The following ADSS2 variants were observed in gnomAD, a reference collection of about 807,000 sequenced individuals.
ADSS2 encodes adenylosuccinate synthase 2, also known as adenylosuccinate synthetase isozyme 2.
Under a neutral mutation model 60.0 loss-of-function variants are expected in ADSS2, and 30 were observed. That is an observed-to-expected ratio of 0.50 (90% confidence interval 0.37 to 0.68). The LOEUF is 0.68. Among genes scored for constraint, ADSS2 ranks in the 30% least tolerant of loss-of-function variants. The probability of loss-of-function intolerance (pLI) is 0.00; values close to 1 mark genes in which losing one functional copy is unlikely to be tolerated. For synonymous variants in ADSS2, 187 were observed against 193.1 expected (o/e 0.97, Z 0.26); for missense variants, 373 against 554.8 (o/e 0.67, Z 3.29).
chr1:244,452,038 G>C (rs1046612461), upstream of ADSS2: 9 of 399,276 alleles, frequency 2.3e-5, no homozygotes, highest in South Asian at 4.9e-4. Flanking sequence ...GGCCGGCCTC[G>C]GCAGCACCGC....
intron 10 of ADSS2, among the ~76,000 whole-genome samples, chr1:244,416,796 T>A (rs1045156341): frequency 6.6e-6 from 1 of 152,278 alleles, no homozygotes; most frequent in South Asian, 2.1e-4. Context: ...CTGGTTACCA[T>A]CACCTCTACC....
chr1:244,447,079 T>G (rs1665409608), intron 1 of ADSS2, among the ~76,000 whole-genome samples: 1 of 152,152 alleles, frequency 6.6e-6, no homozygotes, highest in South Asian at 2.1e-4. Context: ...GAACTCCCCT[T>G]CATTTATTGT....
At chr1:244,415,776 G>C (rs1359451186) in intron 11 of ADSS2, among the ~76,000 whole-genome samples, 2 of 150,320 alleles carry the variant, frequency 1.3e-5, no homozygotes, top group African/African-American at 2.4e-5. Flanking sequence ...TTTTGAGTTT[G>C]AGCACATGCT....
At chr1:244,410,318 T>A (rs1448308773) in intron 12 of ADSS2, among the ~76,000 whole-genome samples, 2 of 152,104 alleles carry the variant, frequency 1.3e-5, no homozygotes, top group African/African-American at 4.8e-5. Context: ...GGAGGACACA[T>A]CCCACACACT....
chr1:244,451,547 G>C lies in ADSS2; in HGVS notation c.183+88C>G, dbSNP rs1330021055. On this transcript the variant is annotated intron_variant, in intron 1 of 12. Coordinates refer to ENST00000366535, the MANE Select transcript of ADSS2 (RefSeq NM_001126.5). The surrounding 1 kb of genome is among the most constrained non-coding windows in gnomAD (Gnocchi z 6.6). ...ACACCTCATTTTGGCCAGTGGATCC[G>C]GGTTCTGGGTCCGAGTTCCCGGGCA... The C allele has an allele frequency of 7.1e-7, 1 of 1,407,842 alleles. No individual in the cohort carries two copies. The highest frequency in any genetic ancestry group is 9.5e-7 in the Non-Finnish European group (1 of 1,052,772). The allele number at this position is 1,407,842 out of a possible 1,614,324, so 87.2% of individuals were successfully genotyped here. A position where few individuals can be genotyped will look rare whatever the true frequency, so the allele number is the denominator to read the frequency against.
At chr1:244,424,423 G>A (rs1462952808) in intron 4 of ADSS2, 36 bp from the exon 5 acceptor site, 2 of 1,588,240 alleles carry the variant, frequency 1.3e-6, no homozygotes, top group Non-Finnish European at 1.7e-6. Context: ...TTGAAACAAA[G>A]ATAATACACA....
chr1:244,446,682 G>A (rs1665399265), intron 1 of ADSS2, among the ~76,000 whole-genome samples: 1 of 151,862 alleles, frequency 6.6e-6, no homozygotes, highest in South Asian at 2.1e-4. Context: ...AGAAGCTTTA[G>A]ACTCTGGGTA....
chr1:244,411,995 C>A (rs1664427830), intron 11 of ADSS2, among the ~76,000 whole-genome samples: 1 of 152,196 alleles, frequency 6.6e-6, no homozygotes, highest in South Asian at 2.1e-4. Context: ...GCCCAGATTT[C>A]TCTCAAGACT....
intron 4 of ADSS2, among the ~76,000 whole-genome samples, chr1:244,428,831 C>T (rs747711391): frequency 6.6e-6 from 1 of 151,888 alleles, no homozygotes; most frequent in African/African-American, 2.4e-5. Context: ...AAAACTGACA[C>T]AAGAAACAGA....
chr1:244,413,609 G>C (rs1478091983), intron 11 of ADSS2, among the ~76,000 whole-genome samples: 1 of 152,208 alleles, frequency 6.6e-6, no homozygotes, highest in Non-Finnish European at 1.5e-5. Context: ...AGAATCAGCA[G>C]CGCCAGGCAT....
intron 1 of ADSS2, among the ~76,000 whole-genome samples, chr1:244,448,892 A>C (rs1665461129): frequency 6.6e-6 from 1 of 152,128 alleles, no homozygotes; most frequent in Non-Finnish European, 1.5e-5. Context: ...TGCCTTTTTC[A>C]GATTTTTGAC....
chr1:244,428,590 A>G (rs758565751), intron 4 of ADSS2, among the ~76,000 whole-genome samples: 1 of 151,984 alleles, frequency 6.6e-6, no homozygotes, highest in African/African-American at 2.4e-5. Context: ...TAAAGGAACT[A>G]CAAAAACGAG....
chr1:244,447,623 C>A (rs370859392), intron 1 of ADSS2, among the ~76,000 whole-genome samples: 1 of 152,080 alleles, frequency 6.6e-6, no homozygotes, highest in African/African-American at 2.4e-5. Context: ...ATATCAGTTA[C>A]CTATTTTCTC....
intron 8 of ADSS2, 152 bp from the exon 9 acceptor site, chr1:244,419,066 T>C: frequency 1.4e-6 from 1 of 719,294 alleles, no homozygotes; most frequent in Non-Finnish European, 2.2e-6. Context: ...TGTTTTACTT[T>C]TTATTCATTT....
intron 4 of ADSS2, 58 bp from the exon 5 acceptor site, chr1:244,424,445 C>A: frequency 7.3e-7 from 1 of 1,369,756 alleles, no homozygotes; most frequent in South Asian, 1.2e-5. Context: ...AAGCAAAATC[C>A]ACCGCATTTC....
intron 4 of ADSS2, among the ~76,000 whole-genome samples, chr1:244,430,045 T>G (rs1022003325): frequency 6.6e-6 from 1 of 152,154 alleles, no homozygotes; most frequent in Non-Finnish European, 1.5e-5. Flanking sequence ...CAGTCTGCGC[T>G]TATCTTCTAC....
At chr1:244,439,555 TCTC>T (rs1226594758) in intron 1 of ADSS2, among the ~76,000 whole-genome samples, 2 of 152,052 alleles carry the variant, frequency 1.3e-5, no homozygotes, top group Admixed American at 6.6e-5. Context: ...GACTCTTCCT[TCTC>T]CTCAAGTGGA....
At chr1:244,430,052 C>T (rs1296626340) in intron 4 of ADSS2, among the ~76,000 whole-genome samples, 8 of 152,120 alleles carry the variant, frequency 5.3e-5, no homozygotes, top group African/African-American at 1.7e-4. Context: ...CGCTTATCTT[C>T]TACAGGCTCA....
At chr1:244,425,713 G>C (rs559948456) in intron 4 of ADSS2, among the ~76,000 whole-genome samples, 5 of 152,024 alleles carry the variant, frequency 3.3e-5, no homozygotes, top group Non-Finnish European at 5.9e-5. Flanking sequence ...AGGTTTCCCT[G>C]GTGTGTTAGT....
Sources: gnomAD v4.1 joint callset for allele counts (sites outside exome capture counted in the v4.1 genomes callset) on GRCh38, gnomAD v4.1.1 for gene constraint, Gnocchi (gnomAD v3.1) non-coding constraint, MANE v1.5 for transcripts, NCBI Gene and HGNC (gene_info 2026-07-23, HGNC 2026-07-21) for gene names.